Variants in BTBD9 observed in about 807,000 individuals in gnomAD.
BTBD9 encodes BTB domain containing 9, also known as BTB/POZ domain-containing protein 9.
In BTBD9, 49 loss-of-function variants were observed where a neutral mutation model predicts 64.3. The observed-to-expected ratio is 0.76, with a 90% CI of 0.61 to 0.97. The LOEUF is 0.97. Ranked by LOEUF, BTBD9 falls within the 50% of genes least tolerant of loss-of-function variation. The probability of loss-of-function intolerance (pLI) is 0.00; values close to 1 mark genes in which losing one functional copy is unlikely to be tolerated. For missense variants in BTBD9, 598 were observed against 762.1 expected (o/e 0.78, Z 2.53); for synonymous variants, 260 against 274.7 (o/e 0.95, Z 0.53).
intron 6 of BTBD9, among the ~76,000 whole-genome samples, chr6:38,507,926 T>C (rs960446950): frequency 4.7e-5 from 7 of 149,244 alleles, no homozygotes; most frequent in South Asian, 2.2e-4. Context: ...CTCCGCCTCC[T>C]AGGTTCACGC....
chr6:38,329,323 CTTTT>C (rs201597571), intron 7 of BTBD9, among the ~76,000 whole-genome samples: 3 of 132,700 alleles, frequency 2.3e-5, no homozygotes, highest in Admixed American at 7.6e-5. Flanking sequence ...CCTTTTTTTC[CTTTT>C]TTTTTTTTTT....
chr6:38,453,247 C>T (rs369185854), intron 6 of BTBD9, among the ~76,000 whole-genome samples: 1 of 152,092 alleles, frequency 6.6e-6, no homozygotes, highest in East Asian at 1.9e-4. Context: ...AAGCTCTCCC[C>T]GTAGAATTTA....
chr6:38,371,421 T>C (rs1765421526), intron 6 of BTBD9, among the ~76,000 whole-genome samples: 1 of 152,208 alleles, frequency 6.6e-6, no homozygotes, highest in Non-Finnish European at 1.5e-5. Flanking sequence ...AGACGATCAC[T>C]GGCTGGGAGG....
At chr6:38,458,769 T>C (rs1281893141) in intron 6 of BTBD9, among the ~76,000 whole-genome samples, 2 of 152,116 alleles carry the variant, frequency 1.3e-5, no homozygotes, top group African/African-American at 4.8e-5. Context: ...AAATGGCAAA[T>C]GGCAAAGTAC....
At chr6:38,194,955 C>T (rs1415178502) in intron 9 of BTBD9, among the ~76,000 whole-genome samples, 1 of 152,220 alleles carries the variant, frequency 6.6e-6, no homozygotes, top group Non-Finnish European at 1.5e-5. Flanking sequence ...ACCAATCTTC[C>T]ATTACACTGC....
At chr6:38,242,426 AG>A (rs1183820343) in intron 9 of BTBD9, among the ~76,000 whole-genome samples, 1 of 152,236 alleles carries the variant, frequency 6.6e-6, no homozygotes, top group Non-Finnish European at 1.5e-5. Context: ...GTTCTAATCC[AG>A]GGCTTGCCAT....
At position 38,215,337 on chromosome 6, in the gene BTBD9, A is replaced by G. The variant is rs1310181530; in HGVS notation, c.1563-22740T>C. Among the ~76,000 whole-genome samples, 6 of 152,224 alleles carry G rather than the reference A, an allele frequency of 3.9e-5. No individual in the cohort carries two copies. In the South Asian group the frequency reaches 8.3e-4, roughly 21 times the overall value. On this transcript the variant is annotated intron_variant, in intron 9 of 10. Transcript: ENST00000481247. ...TGTTCCTGCAGATCTGAACATAAAA[A>G]GCCCTTAGAGTGATGGAGACGAACA...
At position 38,501,489 on chromosome 6, in the gene BTBD9, G is replaced by A. The variant is rs1233034172; in HGVS notation, c.1154+76111C>T. ...AAACACTCAATACTTGTTGATCATAGATGTGAGTACATTTTTCTTGGCCCC... is the reference window on the plus strand; with the variant it reads ...AAACACTCAATACTTGTTGATCATAAATGTGAGTACATTTTTCTTGGCCCC... On this transcript the variant is annotated intron_variant, in intron 6 of 10. Coordinates refer to ENST00000481247, the MANE Select transcript of BTBD9 (RefSeq NM_001099272.2). Among the ~76,000 whole-genome samples the A allele has an allele frequency of 2.0e-5, 3 of 152,186 alleles. No homozygotes were observed. In the East Asian group the frequency reaches 5.8e-4, roughly 29 times the overall value.
chr6:38,404,910 C>T (rs1378887525), intron 6 of BTBD9, among the ~76,000 whole-genome samples: 1 of 152,132 alleles, frequency 6.6e-6, no homozygotes, highest in East Asian at 1.9e-4. Flanking sequence ...CAGGTTAGAG[C>T]CCTAGCCCTT....
chr6:38,477,773 C>T (rs1441383060), intron 6 of BTBD9, among the ~76,000 whole-genome samples: 2 of 152,172 alleles, frequency 1.3e-5, no homozygotes, highest in African/African-American at 4.8e-5. Flanking sequence ...AAAGCCTCTA[C>T]AGGAGGTCTT....
At chr6:38,338,230 T>C (rs1763970604) in intron 7 of BTBD9, among the ~76,000 whole-genome samples, 1 of 152,208 alleles carries the variant, frequency 6.6e-6, no homozygotes, top group Non-Finnish European at 1.5e-5. Flanking sequence ...ATATACAGCA[T>C]GGATACACTG....
At chr6:38,574,997 G>C (rs1390494196) in intron 6 of BTBD9, among the ~76,000 whole-genome samples, 3 of 152,032 alleles carry the variant, frequency 2.0e-5, no homozygotes, top group African/African-American at 7.2e-5. Context: ...TCATACATAA[G>C]GTATCATTTT....
At position 38,592,951 on chromosome 6, in the gene BTBD9, C is replaced by G. The variant is rs561724791; in HGVS notation, c.550-111G>C. ...AACTTAGCCAATTAACTCTTTTTGA[C>G]CCTCTCCTTCCCTTATGCTTTGTGC... On this transcript the variant is annotated intron_variant, in intron 3 of 10. Transcript: ENST00000481247. The G allele has an allele frequency of 4.5e-5, 48 of 1,063,564 alleles. No individual in the cohort carries two copies. The African/African-American group carries it at 6.2e-4, about 14-fold the overall frequency. 65.9% of individuals were successfully genotyped at this position (1,063,564 alleles called of 1,614,324 possible).
intron 7 of BTBD9, among the ~76,000 whole-genome samples, chr6:38,297,280 C>T (rs889579294): frequency 1.3e-5 from 2 of 152,136 alleles, no homozygotes; most frequent in South Asian, 4.2e-4. Flanking sequence ...GCAGGATAAT[C>T]GTTTGAACAC....
chr6:38,486,155 T>G (rs1355168842), intron 6 of BTBD9, among the ~76,000 whole-genome samples: 1 of 152,166 alleles, frequency 6.6e-6, no homozygotes, highest in Non-Finnish European at 1.5e-5. Flanking sequence ...CTTCACAGAA[T>G]TGAAGAGTTA....
chr6:38,468,181 C>T (rs911945553), intron 6 of BTBD9, among the ~76,000 whole-genome samples: 1 of 152,122 alleles, frequency 6.6e-6, no homozygotes, highest in African/African-American at 2.4e-5. Context: ...GCCCAGTCCC[C>T]CAGCACATCC....
rs1433999505 is a variant in BTBD9, at chr6:38,174,641, C to T, written c.*344G>A. 4.9e-5 allele frequency: 13 copies of T among 267,538 alleles called. No homozygotes were observed. Among genetic ancestry groups the T allele is most frequent in the Non-Finnish European group, 7.0e-5 (10 of 142,948 alleles). The allele number at this position is 267,538 out of a possible 1,614,324, so 16.6% of individuals were successfully genotyped here. ...GCTTTCTCCTCCGCCTGAGTGTTTG[C>T]GTGCCATTTTTGTATTCCAACACAG... On this transcript the variant is annotated 3_prime_UTR_variant, in exon 11 of 11. Coordinates refer to ENST00000481247, the MANE Select transcript of BTBD9 (RefSeq NM_001099272.2).
intron 6 of BTBD9, among the ~76,000 whole-genome samples, chr6:38,374,721 C>G (rs879267531): frequency 4.6e-5 from 7 of 152,128 alleles, no homozygotes; most frequent in Non-Finnish European, 1.0e-4. Context: ...GACAACTAAC[C>G]CTGCATAGAA....
chr6:38,289,175 C>A (rs1224339927), intron 7 of BTBD9, among the ~76,000 whole-genome samples: 2 of 151,912 alleles, frequency 1.3e-5, no homozygotes, highest in Admixed American at 6.6e-5. Context: ...GAGTTCAAGA[C>A]CAGCCAGGAT....
Sources: gnomAD v4.1 joint callset for allele counts (sites outside exome capture counted in the v4.1 genomes callset) on GRCh38, gnomAD v4.1.1 for gene constraint, MANE v1.5 for transcripts, NCBI Gene and HGNC (gene_info 2026-07-23, HGNC 2026-07-21) for gene names.